The following ROR1 variants were observed in gnomAD, a reference collection of about 807,000 sequenced individuals.
The protein encoded by ROR1 is ROR family WNT receptor 1.
Under a neutral mutation model 78.8 loss-of-function variants are expected in ROR1, and 19 were observed. That is an observed-to-expected ratio of 0.24 (90% CI 0.17 to 0.35). The LOEUF is 0.35. Ranked by LOEUF, ROR1 falls within the 10% of genes least tolerant of loss-of-function variation. ROR1 has a pLI of 1.00. For missense variants in ROR1, 917 were observed against 1,177.8 expected, an observed-to-expected ratio of 0.78 and a Z score of 3.24; for synonymous variants, 386 against 433.6, an observed-to-expected ratio of 0.89 and a Z score of 1.36.
chr1:63,891,713 G>T (rs1645397870), intron 1 of ROR1, among the ~76,000 whole-genome samples: 1 of 152,042 alleles, frequency 6.6e-6, no homozygotes, highest in Admixed American at 6.6e-5. Flanking sequence ...ATGGAAGATG[G>T]GTGAATTTGA....
At chr1:63,821,203 A>G (rs1644921335) in intron 1 of ROR1, among the ~76,000 whole-genome samples, 1 of 152,176 alleles carries the variant, frequency 6.6e-6, no homozygotes, top group East Asian at 1.9e-4. Context: ...TGCTGTCCTT[A>G]TCCTTATTTC....
At chr1:63,838,219 T>C (rs1460846754) in intron 1 of ROR1, among the ~76,000 whole-genome samples, 1 of 152,156 alleles carries the variant, frequency 6.6e-6, no homozygotes, top group Non-Finnish European at 1.5e-5. Context: ...CTATACTTTT[T>C]ATTATTATTA....
intron 1 of ROR1, among the ~76,000 whole-genome samples, chr1:63,861,464 T>C (rs1173404396): frequency 6.6e-6 from 1 of 152,198 alleles, no homozygotes; most frequent in East Asian, 1.9e-4. Context: ...GTGTTGTGTC[T>C]CTAGGAAGGC....
intron 2 of ROR1, among the ~76,000 whole-genome samples, chr1:64,047,731 T>C (rs750660261): frequency 6.6e-6 from 1 of 152,248 alleles, no homozygotes; most frequent in Non-Finnish European, 1.5e-5. Context: ...CATATGTGCT[T>C]ATATCCATGA....
At chr1:64,013,537 G>A (rs1646494091) in intron 2 of ROR1, among the ~76,000 whole-genome samples, 1 of 151,982 alleles carries the variant, frequency 6.6e-6, no homozygotes, top group South Asian at 2.1e-4. Flanking sequence ...TCTTCACTTG[G>A]CTAACCCCTC....
At chr1:64,046,770 G>C (rs779882883) in intron 2 of ROR1, among the ~76,000 whole-genome samples, 1 of 152,234 alleles carries the variant, frequency 6.6e-6, no homozygotes, top group Non-Finnish European at 1.5e-5. Flanking sequence ...TACCAAAGCA[G>C]ACTGGTGGAG....
intron 3 of ROR1, 107 bp downstream of exon 3, chr1:64,050,085 T>C: frequency 1.6e-6 from 2 of 1,263,338 alleles, no homozygotes; most frequent in Non-Finnish European, 2.2e-6. Context: ...AGTGAGAATG[T>C]ACTCTGTGCC....
At chr1:63,910,091 C>G (rs705522) in intron 1 of ROR1, among the ~76,000 whole-genome samples, 1 of 152,098 alleles carries the variant, frequency 6.6e-6, no homozygotes, top group Non-Finnish European at 1.5e-5. Context: ...GCAGTATTCA[C>G]GGGGCTTTCT....
chr1:63,812,419 G>A (rs1569754021), intron 1 of ROR1, among the ~76,000 whole-genome samples: 3 of 152,154 alleles, frequency 2.0e-5, no homozygotes, highest in Admixed American at 2.0e-4. Flanking sequence ...TTACTAGCTA[G>A]CCCTTTACAG....
chr1:64,132,213 G>A (rs567747523), intron 4 of ROR1, among the ~76,000 whole-genome samples: 40 of 152,158 alleles, frequency 2.6e-4, no homozygotes, highest in African/African-American at 8.4e-4. Context: ...CTCCCACATC[G>A]TAACCTGTTT....
At chr1:64,086,344 AC>A (rs1187272904) in intron 4 of ROR1, among the ~76,000 whole-genome samples, 2 of 152,202 alleles carry the variant, frequency 1.3e-5, no homozygotes, top group African/African-American at 2.4e-5. Flanking sequence ...GGTCTTTTCA[AC>A]TAGTTATTCA....
At chr1:64,112,735 C>G (rs1569786662) in intron 4 of ROR1, among the ~76,000 whole-genome samples, 1 of 152,268 alleles carries the variant, frequency 6.6e-6, no homozygotes, top group South Asian at 2.1e-4. Flanking sequence ...TGCCCTTCCT[C>G]CTTCCCTCAC....
chr1:63,843,506 G>A, intron 1 of ROR1: 1 of 751,342 alleles, frequency 1.3e-6, no homozygotes, highest in Non-Finnish European at 2.4e-6. Flanking sequence ...CGATGGTCTG[G>A]CTCACATCGC....
chr1:63,840,882 G>T (rs1645045593), intron 1 of ROR1, among the ~76,000 whole-genome samples: 1 of 152,136 alleles, frequency 6.6e-6, no homozygotes, highest in African/African-American at 2.4e-5. Context: ...TCATAGGTTT[G>T]TTGGGCTGGT....
intron 1 of ROR1, among the ~76,000 whole-genome samples, chr1:63,910,284 A>G (rs1296557707): frequency 6.6e-6 from 1 of 152,210 alleles, no homozygotes; most frequent in Non-Finnish European, 1.5e-5. Flanking sequence ...TGCTAGAAAA[A>G]TGATTTATAT....
chr1:63,863,301 A>C (rs1323657709), intron 1 of ROR1, among the ~76,000 whole-genome samples: 1 of 152,212 alleles, frequency 6.6e-6, no homozygotes, highest in Non-Finnish European at 1.5e-5. Flanking sequence ...GGAAGGTGAC[A>C]AGTATGATAG....
intron 1 of ROR1, among the ~76,000 whole-genome samples, chr1:63,993,978 A>G (rs1020188670): frequency 2.6e-5 from 4 of 152,182 alleles, no homozygotes; most frequent in Admixed American, 6.5e-5. Flanking sequence ...CTTTTGATAT[A>G]AGGGTTCCTG....
At chr1:64,105,484 C>T (rs1647760841) in intron 4 of ROR1, 1 of 152,094 alleles carries the variant, frequency 6.6e-6, no homozygotes, top group African/African-American at 2.4e-5. Context: ...TCAATTATGG[C>T]TTTTGCTGCA....
At chr1:64,044,755 C>G (rs980983116) in intron 2 of ROR1, among the ~76,000 whole-genome samples, 1 of 152,058 alleles carries the variant, frequency 6.6e-6, no homozygotes, top group African/African-American at 2.4e-5. Context: ...GGAAAATGAA[C>G]CTGCCGCTTG....
Sources: gnomAD v4.1 joint callset for allele counts (sites outside exome capture counted in the v4.1 genomes callset) on GRCh38, gnomAD v4.1.1 for gene constraint, MANE v1.5 for transcripts, NCBI Gene and HGNC (gene_info 2026-07-23, HGNC 2026-07-21) for gene names.